The following PDE7B variants were observed in gnomAD, a reference collection of about 807,000 sequenced individuals.
The protein encoded by PDE7B is 3',5'-cyclic-AMP phosphodiesterase 7B.
Under a neutral mutation model 56.2 loss-of-function variants are expected in PDE7B, and 29 were observed. The ratio of observed to expected loss-of-function variants is 0.52; its 90% CI spans 0.38 to 0.70. The LOEUF (loss-of-function observed/expected upper bound fraction) is 0.70, where lower values mean the gene tolerates loss of function less well. Ranked by LOEUF, PDE7B falls within the 30% of genes least tolerant of loss-of-function variation. The probability of loss-of-function intolerance (pLI) is 0.00; values close to 1 mark genes in which losing one functional copy is unlikely to be tolerated. For synonymous variants in PDE7B, 197 were observed against 196.9 expected (o/e 1.00, Z 0.00); for missense variants, 490 against 565.0 (o/e 0.87, Z 1.35).
rs764416652 is a variant in PDE7B at position 136,147,419 on chromosome 6, T to C, written c.235T>C (p.Phe79Leu). 6 of 1,613,000 alleles carry C rather than the reference T, an allele frequency of 3.7e-6. No individual in the cohort carries two copies. The South Asian group carries it at 6.6e-5, about 18-fold the overall frequency. Residue 79 changes from phenylalanine (F) to leucine (L), a missense_variant, in exon 4 of 13, where the codon TTC (phenylalanine) becomes CTC (leucine). Physicochemically the swap from Phe to Leu is conservative, Grantham distance 22. Transcript: ENST00000308191. ...AAGACTATTAAGCTTTCAAAGATAC[T>C]TCCATGCATCAAGGCTGCTTCGTGG... The part of the protein sequence containing the change: ...VKRLLSFQRY[F>L]HASRLLRGII...
intron 1 of PDE7B, among the ~76,000 whole-genome samples, chr6:135,920,352 C>T (rs892252014): frequency 5.9e-5 from 9 of 152,184 alleles, no homozygotes; most frequent in African/African-American, 2.2e-4. Flanking sequence ...CCTCCCCATG[C>T]TTCTTTTTCC....
chr6:135,943,773 T>C (rs185512026), intron 1 of PDE7B, among the ~76,000 whole-genome samples: 1 of 152,288 alleles, frequency 6.6e-6, no homozygotes. Context: ...GGCAGCAGGA[T>C]TACAATAATG....
At chr6:136,002,932 A>C (rs1012565527) in intron 2 of PDE7B, among the ~76,000 whole-genome samples, 6 of 152,080 alleles carry the variant, frequency 3.9e-5, no homozygotes, top group South Asian at 4.2e-4. Flanking sequence ...CTATTCCAAA[A>C]TTGACCACAT....
intron 2 of PDE7B, among the ~76,000 whole-genome samples, chr6:135,991,733 C>A (rs1775482687): frequency 6.6e-6 from 1 of 152,160 alleles, no homozygotes; most frequent in Non-Finnish European, 1.5e-5. Context: ...TCAGACAAGA[C>A]AAAACCAGCT....
intron 1 of PDE7B, among the ~76,000 whole-genome samples, chr6:135,857,094 CT>C (rs1775049613): frequency 7.2e-6 from 1 of 139,328 alleles, no homozygotes; most frequent in Admixed American, 7.2e-5. Context: ...ATTCTCCCTC[CT>C]TTCCTCTCTC....
chr6:135,874,160 G>C (rs781777306), intron 1 of PDE7B, among the ~76,000 whole-genome samples: 22 of 152,244 alleles, frequency 1.4e-4, no homozygotes, highest in Admixed American at 2.6e-4. Flanking sequence ...GCAGATACCT[G>C]GGGAAAGAAT....
chr6:136,061,990 G>T (rs1240477808), intron 2 of PDE7B, among the ~76,000 whole-genome samples: 3 of 152,106 alleles, frequency 2.0e-5, no homozygotes. Flanking sequence ...TGCGATCTAG[G>T]GATAAGACAG....
chr6:135,872,699 T>A (rs1247067703), intron 1 of PDE7B, among the ~76,000 whole-genome samples: 1 of 152,150 alleles, frequency 6.6e-6, no homozygotes, highest in Non-Finnish European at 1.5e-5. Context: ...ATAAAGACTA[T>A]CAAGGACTAT....
intron 1 of PDE7B, among the ~76,000 whole-genome samples, chr6:135,873,493 A>C (rs1423063147): frequency 6.6e-6 from 1 of 152,068 alleles, no homozygotes; most frequent in Non-Finnish European, 1.5e-5. Flanking sequence ...TTTTATATAG[A>C]TCTTTAATAT....
At chr6:136,097,321 CT>C (rs1199218987) in intron 2 of PDE7B, among the ~76,000 whole-genome samples, 6 of 152,126 alleles carry the variant, frequency 3.9e-5, no homozygotes, top group African/African-American at 1.4e-4. Context: ...CTAGAATTCC[CT>C]TTTTCTGTGA....
At chr6:136,005,922 A>G (rs1775773774) in intron 2 of PDE7B, among the ~76,000 whole-genome samples, 3 of 152,088 alleles carry the variant, frequency 2.0e-5, no homozygotes, top group South Asian at 2.1e-4. Context: ...TTATTGCGGC[A>G]CTATTCACAA....
At chr6:135,975,687 A>G (rs1775173620) in intron 2 of PDE7B, among the ~76,000 whole-genome samples, 1 of 152,260 alleles carries the variant, frequency 6.6e-6, no homozygotes, top group Admixed American at 6.5e-5. Flanking sequence ...CAAAACTTCC[A>G]AATTAAAACA....
chr6:136,174,037 T>A, intron 9 of PDE7B, 149 bp downstream of exon 9: 1 of 630,694 alleles, frequency 1.6e-6, no homozygotes, highest in East Asian at 2.7e-5. Context: ...CAGAGGAGAT[T>A]TGGTGTCAGT....
At chr6:135,880,154 A>G (rs755946950) in intron 1 of PDE7B, among the ~76,000 whole-genome samples, 17 of 152,094 alleles carry the variant, frequency 1.1e-4, no homozygotes, top group Non-Finnish European at 1.9e-4. Context: ...CACCCCTCCT[A>G]TACATGCTCA....
chr6:136,147,508 C>A lies in PDE7B; in HGVS notation c.318+6C>A. On this transcript the variant is annotated splice_donor_region_variant and intron_variant, in intron 4 of 12. Transcript: ENST00000308191. ...ACTACCTTGGACAAGCAAGGGTAAG[C>A]TGACTGCCCCATCTCCTCACAGCAG... 6.2e-7 allele frequency: 1 copy of A among 1,612,900 alleles called. No individual in the cohort carries two copies. The highest frequency in any genetic ancestry group is 1.1e-5 in the South Asian group (1 of 91,010).
chr6:136,151,787 A>AGGTCAGG (rs1276414653), intron 6 of PDE7B, among the ~76,000 whole-genome samples: 1 of 151,794 alleles, frequency 6.6e-6, no homozygotes, highest in Non-Finnish European at 1.5e-5. Context: ...TACAAAAAAA[A>AGGTCAGG]AATTAGCCAG....
intron 2 of PDE7B, among the ~76,000 whole-genome samples, chr6:135,978,949 T>A (rs1331791264): frequency 1.3e-5 from 2 of 152,026 alleles, no homozygotes; most frequent in East Asian, 3.9e-4. Flanking sequence ...CATCCGTGTC[T>A]TGTGCCAGAT....
intron 9 of PDE7B, among the ~76,000 whole-genome samples, chr6:136,177,353 G>A (rs1417032661): frequency 1.3e-5 from 2 of 151,982 alleles, no homozygotes; most frequent in African/African-American, 2.4e-5. Context: ...TTCATCAATA[G>A]ACATCATAAA....
intron 2 of PDE7B, among the ~76,000 whole-genome samples, chr6:136,040,437 T>G (rs371144451): frequency 6.6e-6 from 1 of 152,184 alleles, no homozygotes; most frequent in African/African-American, 2.4e-5. Flanking sequence ...TTCCAAACTG[T>G]CTCTTACCTT....
Sources: gnomAD v4.1 joint callset for allele counts (sites outside exome capture counted in the v4.1 genomes callset) on GRCh38, gnomAD v4.1.1 for gene constraint, MANE v1.5 for transcripts, NCBI Gene and HGNC (gene_info 2026-07-23, HGNC 2026-07-21) for gene names.